The following GRAMD4 variants were observed in gnomAD, a reference collection of about 807,000 sequenced individuals.
The protein encoded by GRAMD4 is GRAM domain-containing protein 4.
Under a neutral mutation model 83.9 loss-of-function variants are expected in GRAMD4, and 25 were observed. That is an observed-to-expected ratio of 0.30 (90% CI 0.22 to 0.42). The LOEUF is 0.42. Ranked by LOEUF, GRAMD4 falls within the 10% of genes least tolerant of loss-of-function variation. GRAMD4 has a pLI of 1.00. For missense variants in GRAMD4, 593 were observed against 788.7 expected (o/e 0.75, Z 2.97); for synonymous variants, 336 against 320.9 (o/e 1.05, Z -0.50).
intron 1 of GRAMD4, among the ~76,000 whole-genome samples, chr22:46,611,733 G>C (rs1003442872): frequency 6.6e-6 from 1 of 151,788 alleles, no homozygotes; most frequent in Non-Finnish European, 1.5e-5. Flanking sequence ...GCTCATGCCT[G>C]TAATCCTAGC....
chr22:46,668,817 G>A lies in GRAMD4; in HGVS notation c.993G>A (p.Gln331=), dbSNP rs750746085. Residue 331 remains glutamine, a synonymous_variant, in exon 13 of 19, where the codon CAG becomes CAA. Transcript: ENST00000406902. ...EKIKNLFMWV[Q]PEITQKLYVA... ...CTTCCAGCTTGTTCATGTGGGTCCA[G>A]CCGGAGATCACACAGAAGCTGTATG... The A allele has an allele frequency of 1.2e-6, 2 of 1,611,906 alleles. No homozygotes were observed. The highest frequency in any genetic ancestry group is 2.2e-5 in the South Asian group (2 of 91,020).
intron 17 of GRAMD4, among the ~76,000 whole-genome samples, chr22:46,676,046 G>A (rs1009472104): frequency 2.0e-5 from 3 of 152,258 alleles, no homozygotes; most frequent in African/African-American, 7.2e-5. Context: ...TGAGGCACTG[G>A]CAGGCACACT....
At chr22:46,633,857 GGCTGGGACTT>G (rs2081816707) in intron 2 of GRAMD4, among the ~76,000 whole-genome samples, 1 of 152,172 alleles carries the variant, frequency 6.6e-6, no homozygotes, top group Non-Finnish European at 1.5e-5. Context: ...CTCAGTGTGG[GGCTGGGACTT>G]GGGATCCTTG....
At chr22:46,652,753 C>T (rs999037497) in intron 3 of GRAMD4, among the ~76,000 whole-genome samples, 4 of 152,298 alleles carry the variant, frequency 2.6e-5, no homozygotes, top group East Asian at 1.9e-4. Flanking sequence ...CGGGGCTGGA[C>T]GAGAGGAATC....
At chr22:46,653,236 C>T (rs1006496753) in intron 3 of GRAMD4, among the ~76,000 whole-genome samples, 7 of 152,228 alleles carry the variant, frequency 4.6e-5, no homozygotes, top group Non-Finnish European at 7.3e-5. Context: ...CCGTGCCGCC[C>T]GCTGCCCCGG....
chr22:46,648,412 G>C (rs2082103370), intron 3 of GRAMD4, among the ~76,000 whole-genome samples: 1 of 151,096 alleles, frequency 6.6e-6, no homozygotes, highest in Non-Finnish European at 1.5e-5. Flanking sequence ...GGGATGGGTA[G>C]ATGGATGGGT....
In GRAMD4 at chr22:46,678,105, T is replaced by C; in HGVS notation, c.*854T>C. 1 of 985,528 alleles carries C rather than the reference T, an allele frequency of 1.0e-6. No homozygotes were observed. The highest frequency in any genetic ancestry group is 1.1e-4 in the East Asian group (1 of 8,820). 61.0% of individuals were successfully genotyped at this position (985,528 alleles called of 1,614,324 possible). ...GCTCTTTGGAAGGCCCAGGAGAACA[T>C]CCGCGAAGGCTGTTGGAGGTGCTCC... On this transcript the variant is annotated 3_prime_UTR_variant, in exon 19 of 19. Coordinates refer to ENST00000406902, the MANE Select transcript of GRAMD4 (RefSeq NM_015124.5).
chr22:46,655,505 C>G (rs1055082269), intron 3 of GRAMD4, among the ~76,000 whole-genome samples: 4 of 152,250 alleles, frequency 2.6e-5, no homozygotes, highest in Admixed American at 6.5e-5. Flanking sequence ...GATCTGGGAT[C>G]TTGGAAGAAA....
chr22:46,620,677 G>T lies in GRAMD4; in HGVS notation c.-50+112G>T. ...GGGGCAGTGGTCCCAGCTACCACGT[G>T]CTCTTCTGGAGCCATCTTGATCTTG... is the stretch of plus-strand genomic sequence containing the variant. On this transcript the variant is annotated intron_variant, in intron 1 of 18. Transcript: ENST00000406902. The surrounding 1 kb of genome is among the most constrained non-coding windows in gnomAD (Gnocchi z 4.7). The T allele has an allele frequency of 3.9e-6, 1 of 258,302 alleles. No homozygotes were observed. The highest frequency in any genetic ancestry group is 6.1e-6 in the Non-Finnish European group (1 of 164,482). 16.0% of individuals were successfully genotyped at this position (258,302 alleles called of 1,614,324 possible). A position where few individuals can be genotyped will look rare whatever the true frequency, so the allele number is the denominator to read the frequency against.
At chr22:46,587,130 C>T (rs867663323) in intron 1 of GRAMD4, among the ~76,000 whole-genome samples, 1 of 152,166 alleles carries the variant, frequency 6.6e-6, no homozygotes, top group Non-Finnish European at 1.5e-5. Flanking sequence ...TAGATTATCC[C>T]CTGCCCTGGG....
intron 1 of GRAMD4, among the ~76,000 whole-genome samples, chr22:46,586,728 A>G (rs1463825204): frequency 1.3e-5 from 2 of 152,026 alleles, no homozygotes; most frequent in Non-Finnish European, 2.9e-5. Flanking sequence ...GTTGGGGGGA[A>G]CCCCTACCTG....
At chr22:46,648,895 GATGC>G (rs1569288556) in intron 3 of GRAMD4, among the ~76,000 whole-genome samples, 17 of 131,494 alleles carry the variant, frequency 1.3e-4, no homozygotes, top group East Asian at 2.1e-4. Context: ...TGGATGGATG[GATGC>G]ATGGATGGAT....
intron 4 of GRAMD4, among the ~76,000 whole-genome samples, chr22:46,658,874 A>G (rs1340660587): frequency 6.9e-6 from 1 of 145,660 alleles, no homozygotes; most frequent in African/African-American, 2.6e-5. Flanking sequence ...CTAGAGAGGC[A>G]TGTCTGCACC....
intron 5 of GRAMD4, among the ~76,000 whole-genome samples, chr22:46,661,703 G>A (rs746501060): frequency 3.3e-5 from 5 of 152,236 alleles, no homozygotes; most frequent in East Asian, 1.9e-4. Flanking sequence ...CAACTAAAGC[G>A]TGATTGTGTG....
At chr22:46,671,047 C>T (rs1292754333) in intron 13 of GRAMD4, 1 of 458,320 alleles carries the variant, frequency 2.2e-6, no homozygotes, top group East Asian at 7.2e-5. Context: ...TATTCTTTTG[C>T]AGTGCTGACA....
downstream of GRAMD4, among the ~76,000 whole-genome samples, chr22:46,682,666 G>A (rs1490140211): frequency 2.0e-5 from 3 of 152,202 alleles, no homozygotes; most frequent in African/African-American, 4.8e-5. Flanking sequence ...TGCCTTTATC[G>A]CGAACACCCC....
At chr22:46,642,588 T>G (rs2081988443) in intron 3 of GRAMD4, among the ~76,000 whole-genome samples, 1 of 152,244 alleles carries the variant, frequency 6.6e-6, no homozygotes, top group South Asian at 2.1e-4. Flanking sequence ...TATTTGTTTC[T>G]TGTTCTTTTG....
chr22:46,651,130 G>A (rs550657753), intron 3 of GRAMD4, among the ~76,000 whole-genome samples: 6 of 151,712 alleles, frequency 4.0e-5, no homozygotes, highest in Admixed American at 6.6e-5. Flanking sequence ...CCTAGGCATC[G>A]GGGGAGCAGA....
chr22:46,648,907 G>C (rs911324485), intron 3 of GRAMD4, among the ~76,000 whole-genome samples: 13 of 134,312 alleles, frequency 9.7e-5, no homozygotes, highest in African/African-American at 1.5e-4. Flanking sequence ...TGCATGGATG[G>C]ATGGATGGAT....
Sources: allele counts gnomAD v4.1 joint callset (sites outside exome capture counted in the v4.1 genomes callset), GRCh38; gene constraint gnomAD v4.1.1; non-coding constraint Gnocchi (gnomAD v3.1); transcripts MANE v1.5; gene names NCBI Gene and HGNC (gene_info 2026-07-23, HGNC 2026-07-21).